Variants in VWA8 observed in about 807,000 individuals in gnomAD.
VWA8 encodes von Willebrand factor A domain-containing protein 8.
VWA8 carries 221 observed loss-of-function variants against 241.5 expected under a neutral mutation model. The ratio of observed to expected loss-of-function variants is 0.91; its 90% CI spans 0.82 to 1.02. The LOEUF is 1.02. Ranked by LOEUF, VWA8 falls within the 50% of genes least tolerant of loss-of-function variation. VWA8 has a pLI of 0.00. For missense variants in VWA8, 2,322 were observed against 2,328.7 expected (o/e 1.00, Z 0.06); for synonymous variants, 852 against 827.1 (o/e 1.03, Z -0.52).
intron 21 of VWA8, among the ~76,000 whole-genome samples, chr13:41,746,740 A>G (rs1296710688): frequency 6.6e-6 from 1 of 152,246 alleles, no homozygotes; most frequent in Non-Finnish European, 1.5e-5. Context: ...CAAAAATGGA[A>G]TTAATATGGA....
At chr13:41,753,163 G>C (rs1342255950) in intron 21 of VWA8, among the ~76,000 whole-genome samples, 2 of 152,106 alleles carry the variant, frequency 1.3e-5, no homozygotes, top group Non-Finnish European at 2.9e-5. Context: ...CTCACTGAAA[G>C]AGAAAGTTGG....
chr13:41,583,477 T>C (rs1484826633), intron 42 of VWA8, among the ~76,000 whole-genome samples: 1 of 151,922 alleles, frequency 6.6e-6, no homozygotes, highest in Non-Finnish European at 1.5e-5. Context: ...CCACTGTCTC[T>C]ACTAAAAATA....
In VWA8 at chr13:41,920,105, T is replaced by C. The variant is rs1593869910; in HGVS notation, c.242-7937A>G. On this transcript the variant is annotated intron_variant, in intron 2 of 44. Coordinates refer to ENST00000379310, the MANE Select transcript of VWA8 (RefSeq NM_015058.2). ...GCCATTTCTGGGTTCTTGACAGTGC[T>C]GCACCTGGCTGCACAGAACCTGGGC... Among the ~76,000 whole-genome samples the C allele has an allele frequency of 2.6e-5, 4 of 152,258 alleles. No homozygotes were observed. The South Asian group carries it at 8.3e-4, about 32-fold the overall frequency.
intron 37 of VWA8, among the ~76,000 whole-genome samples, chr13:41,633,660 T>C (rs1209879876): frequency 6.6e-6 from 1 of 152,230 alleles, no homozygotes; most frequent in Non-Finnish European, 1.5e-5. Context: ...TAAAGCTTTC[T>C]AATTAAATTT....
At chr13:41,634,155 C>T (rs905654831) in intron 37 of VWA8, among the ~76,000 whole-genome samples, 7 of 152,148 alleles carry the variant, frequency 4.6e-5, no homozygotes, top group Admixed American at 2.6e-4. Flanking sequence ...GAGGAGAGAA[C>T]ACTACGTGAA....
chr13:41,568,222 G>A lies in VWA8; in HGVS notation c.5693C>T (p.Thr1898Ile), dbSNP rs973769509. The A allele has an allele frequency of 1.2e-6, 2 of 1,614,006 alleles. No individual in the cohort carries two copies. The highest frequency in any genetic ancestry group is 2.7e-5 in the African/African-American group (2 of 74,910). ...TTAGACACTCGACAACATGGTGGAG[G>A]TGAAGATCTGTTGTAAAATCTGAGG... The part of the protein sequence containing the change: ...DIPQILQQIF[T>I]STMLSSV The change falls in exon 45 of 45, where the codon ACC becomes ATC. Residue 1898 changes from threonine (T) to isoleucine (I), a missense_variant. Physicochemically the swap from Thr to Ile is moderately conservative, Grantham distance 89 (BLOSUM62 -1). Coordinates refer to ENST00000379310, the MANE Select transcript of VWA8 (RefSeq NM_015058.2).
intron 21 of VWA8, among the ~76,000 whole-genome samples, chr13:41,734,673 T>C (rs924460497): frequency 3.3e-5 from 5 of 152,230 alleles, no homozygotes; most frequent in Admixed American, 6.5e-5. Flanking sequence ...TTCTGACCTA[T>C]TGCTGTTCCT....
chr13:41,950,374 T>G (rs1366969283), intron 1 of VWA8, among the ~76,000 whole-genome samples: 1 of 152,086 alleles, frequency 6.6e-6, no homozygotes, highest in Non-Finnish European at 1.5e-5. Flanking sequence ...AATCTTTTTT[T>G]TTTTTTGTTT....
chr13:41,932,064 G>C (rs1280143841), intron 2 of VWA8, among the ~76,000 whole-genome samples: 1 of 152,018 alleles, frequency 6.6e-6, no homozygotes, highest in Non-Finnish European at 1.5e-5. Context: ...CCTCTGGTCA[G>C]ACTATTAAGA....
intron 17 of VWA8, among the ~76,000 whole-genome samples, chr13:41,799,974 A>C (rs1869874745): frequency 6.6e-6 from 1 of 152,122 alleles, no homozygotes; most frequent in African/African-American, 2.4e-5. Context: ...GGCTACTACC[A>C]ATCTACTTTC....
At chr13:41,645,453 A>G (rs2044824930) in intron 37 of VWA8, among the ~76,000 whole-genome samples, 1 of 152,206 alleles carries the variant, frequency 6.6e-6, no homozygotes. Flanking sequence ...CTCACTCAGG[A>G]AGTTCAGTTT....
chr13:41,866,405 A>G (rs949023669), intron 10 of VWA8, among the ~76,000 whole-genome samples: 24 of 150,016 alleles, frequency 1.6e-4, no homozygotes, highest in African/African-American at 4.9e-4. Context: ...GTGTGTGTGT[A>G]TATGTGTGTG....
chr13:41,921,803 G>A (rs1253302464), intron 2 of VWA8, among the ~76,000 whole-genome samples: 1 of 152,166 alleles, frequency 6.6e-6, no homozygotes, highest in East Asian at 1.9e-4. Context: ...ACAAATGGAA[G>A]AACATTCCAT....
rs1231160400 is a variant in VWA8 at position 41,622,861 on chromosome 13, C to T, written c.4612-7777G>A. On this transcript the variant is annotated intron_variant, in intron 37 of 44. Transcript: ENST00000379310. ...ATTATAATCCTGGAAGAAAAGTGAG[C>T]TTTTGGAGGTATGACTGGACAACAC... Among the ~76,000 whole-genome samples, 3 of 152,268 alleles carry T rather than the reference C, an allele frequency of 2.0e-5. No homozygotes were observed. The East Asian group carries it at 5.8e-4, about 29-fold the overall frequency.
At chr13:41,907,801 T>G in intron 3 of VWA8, 105 bp from the exon 4 acceptor site, 1 of 901,328 alleles carries the variant, frequency 1.1e-6, no homozygotes, top group Non-Finnish European at 1.7e-6. Flanking sequence ...AAGTGCATTG[T>G]TAAACCTAAT....
Position 41,729,637 on chromosome 13 carries a change from T to C in VWA8, c.2543A>G (p.Glu848Gly). The change falls in exon 23 of 45, where the codon GAG becomes GGG. Residue 848 changes from glutamate (E) to glycine (G), a missense_variant. Coordinates refer to ENST00000379310, the MANE Select transcript of VWA8 (RefSeq NM_015058.2). ...GACATTTGTTGGAGCTTTGTCAGCC[T>C]CATCTACTACCAGAATATGACCCAA... The part of the protein sequence containing the change: ...VKLGHILVVD[E>G]ADKAPTNVTC... 1.2e-6 allele frequency: 2 copies of C among 1,613,152 alleles called. No homozygotes were observed. The highest frequency in any genetic ancestry group is 1.7e-6 in the Non-Finnish European group (2 of 1,179,476).
At chr13:41,791,796 G>T (rs1869474491) in intron 17 of VWA8, among the ~76,000 whole-genome samples, 1 of 151,620 alleles carries the variant, frequency 6.6e-6, no homozygotes, top group Non-Finnish European at 1.5e-5. Flanking sequence ...CCTACTGATG[G>T]ACAGATGGGC....
chr13:41,855,651 T>C (rs1008804036), intron 12 of VWA8, among the ~76,000 whole-genome samples: 1 of 152,016 alleles, frequency 6.6e-6, no homozygotes, highest in African/African-American at 2.4e-5. Flanking sequence ...AAAGCAGTGG[T>C]TGCCAGGGGC....
intron 21 of VWA8, among the ~76,000 whole-genome samples, chr13:41,732,725 A>G (rs935656118): frequency 3.3e-5 from 5 of 152,160 alleles, no homozygotes; most frequent in Admixed American, 2.6e-4. Context: ...GCAATCCATT[A>G]TATTTCTTAA....
Sources: allele counts gnomAD v4.1 joint callset (sites outside exome capture counted in the v4.1 genomes callset), GRCh38; gene constraint gnomAD v4.1.1; transcripts MANE v1.5; gene names NCBI Gene and HGNC (gene_info 2026-07-23, HGNC 2026-07-21).